METTL2A: variants seen among roughly 807,000 people sequenced by gnomAD.
METTL2A encodes the protein methyltransferase 2A, tRNA N3-cytidine.
In METTL2A, 45 loss-of-function variants were observed where a neutral mutation model predicts 49.4. The ratio of observed to expected loss-of-function variants is 0.91; its 90% CI spans 0.72 to 1.17. METTL2A has a LOEUF of 1.17. Ranked by LOEUF, METTL2A falls within the 50% of genes most tolerant of loss-of-function variation. METTL2A has a pLI of 0.00. For synonymous variants in METTL2A, 118 were observed against 167.5 expected, an observed-to-expected ratio of 0.70 and a Z score of 2.28; for missense variants, 361 against 462.2, an observed-to-expected ratio of 0.78 and a Z score of 2.01.
At chr17:62,446,771 C>T (rs1364172815) in intron 7 of METTL2A, among the ~76,000 whole-genome samples, 3 of 152,162 alleles carry the variant, frequency 2.0e-5, no homozygotes, top group African/African-American at 4.8e-5. Context: ...AGGTGGACCC[C>T]GTACCACTGA....
Position 62,444,886 on chromosome 17 carries a change from A to G in METTL2A, c.859A>G (p.Met287Val), listed in dbSNP as rs762006772. ...RLSRLLKPGGMMLLRDYGRYD... is the reference protein window; with the variant it reads ...RLSRLLKPGGVMLLRDYGRYD... ...GAGCAGGCTTCTGAAACCTGGCGGG[A>G]TGATGCTTCTGCGAGATTACGGCCG... Residue 287 changes from methionine to valine, a missense_variant, in exon 7 of 9, where the codon ATG becomes GTG. Physicochemically the swap from Met to Val is conservative, Grantham distance 21. This residue lies in a region of METTL2A where 183 missense variants were observed against 216.5 expected (regional missense o/e 0.85). Coordinates refer to ENST00000311506, the MANE Select transcript of METTL2A (RefSeq NM_181725.4). The G allele has an allele frequency of 1.2e-6, 2 of 1,614,004 alleles. No homozygotes were observed. Among genetic ancestry groups the G allele is most frequent in the Non-Finnish European group, 1.7e-6 (2 of 1,179,952 alleles).
chr17:62,437,294 C>G (rs2070707481), intron 5 of METTL2A, among the ~76,000 whole-genome samples: 1 of 151,926 alleles, frequency 6.6e-6, no homozygotes, highest in African/African-American at 2.4e-5. Flanking sequence ...ACAGAAACGT[C>G]TAGACAAACT....
At chr17:62,438,455 A>C (rs2070716037) in intron 5 of METTL2A, among the ~76,000 whole-genome samples, 1 of 147,792 alleles carries the variant, frequency 6.8e-6, no homozygotes, top group South Asian at 2.2e-4. Context: ...GGTGGCATGC[A>C]CCTGTAATCC....
chr17:62,432,811 A>C (rs1020372593), intron 4 of METTL2A, among the ~76,000 whole-genome samples: 2 of 151,834 alleles, frequency 1.3e-5, no homozygotes, highest in Non-Finnish European at 2.9e-5. Context: ...CAAAAAAAAA[A>C]AAATTGCCAA....
chr17:62,443,415 A>G (rs2070749332), intron 6 of METTL2A, among the ~76,000 whole-genome samples: 1 of 152,122 alleles, frequency 6.6e-6, no homozygotes, highest in Non-Finnish European at 1.5e-5. Context: ...CAATGCTACA[A>G]ACTTTTTAAA....
intron 6 of METTL2A, 51 bp downstream of exon 6, chr17:62,440,807 A>G (rs1330431317): frequency 6.3e-7 from 1 of 1,586,950 alleles, no homozygotes; most frequent in Non-Finnish European, 8.5e-7. Flanking sequence ...AGCTTTGGTG[A>G]GGGACCTTTT....
intron 5 of METTL2A, among the ~76,000 whole-genome samples, chr17:62,435,637 T>C (rs1298735879): frequency 6.6e-6 from 1 of 152,192 alleles, no homozygotes; most frequent in Non-Finnish European, 1.5e-5. Flanking sequence ...TATGTTATAG[T>C]GTGTGATGTT....
chr17:62,447,901 C>T, intron 8 of METTL2A, 135 bp downstream of exon 8: 3 of 1,541,346 alleles, frequency 1.9e-6, no homozygotes, highest in African/African-American at 2.7e-5. Context: ...CCCTGCTGCT[C>T]ACACCCTCTT....
chr17:62,443,328 C>T (rs9905772), intron 6 of METTL2A, among the ~76,000 whole-genome samples: 5,142 of 152,244 alleles, frequency 0.034, 304 homozygotes, highest in African/African-American at 0.12. Flanking sequence ...AAGTGAGCTA[C>T]GATCACACCA....
intron 7 of METTL2A, among the ~76,000 whole-genome samples, chr17:62,446,319 T>C (rs2070768320): frequency 8.0e-6 from 1 of 124,922 alleles, no homozygotes; most frequent in Non-Finnish European, 1.5e-5. Context: ...GTTACAGCCT[T>C]TTTTTTTTTG....
In METTL2A at chr17:62,449,615, CAGG is replaced by C. The variant is rs1226187702; in HGVS notation, c.*889_*891del. On this transcript the variant is annotated 3_prime_UTR_variant, in exon 9 of 9. Coordinates refer to ENST00000311506, the MANE Select transcript of METTL2A (RefSeq NM_181725.4). Reference sequence around the variant, plus strand: ...AATCCAGCTACTTGGGAGACTGAGGCAGGAGAATTGCTTGAACCCAGGAGGCAG... The same window carrying C: ...AATCCAGCTACTTGGGAGACTGAGGCAGAATTGCTTGAACCCAGGAGGCAG... 82 of 281,440 alleles carry C rather than the reference CAGG, an allele frequency of 2.9e-4. No homozygotes were observed. Among genetic ancestry groups the C allele is most frequent in the South Asian group, 1.3e-3 (46 of 36,066 alleles). 17.4% of individuals were successfully genotyped at this position (281,440 alleles called of 1,614,324 possible).
chr17:62,448,746 A>G lies in METTL2A; in HGVS notation c.*17A>G, dbSNP rs1228171777. 2 of 1,613,536 alleles carry G rather than the reference A, an allele frequency of 1.2e-6. No homozygotes were observed. Among genetic ancestry groups the G allele is most frequent in the South Asian group, 1.1e-5 (1 of 90,990 alleles). ...ACCAGCTGAGAGGCACCTGCTGCCA[A>G]CACGATGCAAGCCCATTGTGTTTCC... is the stretch of plus-strand genomic sequence containing the variant. On this transcript the variant is annotated 3_prime_UTR_variant, in exon 9 of 9. Coordinates refer to ENST00000311506, the MANE Select transcript of METTL2A (RefSeq NM_181725.4).
At chr17:62,446,939 C>T (rs888895739) in intron 7 of METTL2A, among the ~76,000 whole-genome samples, 6 of 152,034 alleles carry the variant, frequency 3.9e-5, no homozygotes, top group African/African-American at 9.7e-5. Context: ...TGTGCCAGGC[C>T]GGTAAACTGA....
At chr17:62,437,133 CTTT>C (rs747770697) in intron 5 of METTL2A, among the ~76,000 whole-genome samples, 43 of 125,520 alleles carry the variant, frequency 3.4e-4, no homozygotes, top group African/African-American at 1.2e-3. Flanking sequence ...TCAGGCTTCA[CTTT>C]TTTTTTTTTT....
intron 7 of METTL2A, among the ~76,000 whole-genome samples, chr17:62,445,162 G>A (rs2070760924): frequency 6.6e-6 from 1 of 152,018 alleles, no homozygotes; most frequent in Non-Finnish European, 1.5e-5. Flanking sequence ...GGGGCTGGGA[G>A]AGGGATAGCA....
chr17:62,445,292 A>AT (rs2070761595), intron 7 of METTL2A, among the ~76,000 whole-genome samples: 1 of 151,780 alleles, frequency 6.6e-6, no homozygotes, highest in African/African-American at 2.4e-5. Context: ...TTAAAGTATA[A>AT]TTAAAAAAAA....
chr17:62,429,384 G>A (rs1213907182), intron 4 of METTL2A, among the ~76,000 whole-genome samples: 3 of 151,996 alleles, frequency 2.0e-5, no homozygotes, highest in African/African-American at 4.8e-5. Context: ...TCCGCCTTCC[G>A]GGTTCAAGTG....
chr17:62,426,048 A>G (rs2070623526), intron 2 of METTL2A, among the ~76,000 whole-genome samples: 1 of 151,770 alleles, frequency 6.6e-6, no homozygotes, highest in African/African-American at 2.4e-5. Context: ...CACTTGATAG[A>G]TAGTAAGTTC....
chr17:62,424,762 T>G (rs532342509), intron 2 of METTL2A, among the ~76,000 whole-genome samples: 1 of 151,884 alleles, frequency 6.6e-6, no homozygotes, highest in South Asian at 2.1e-4. Context: ...ACTTGTGTGA[T>G]GGTTATGAGA....
Sources: gnomAD v4.1 joint callset for allele counts (sites outside exome capture counted in the v4.1 genomes callset) on GRCh38, gnomAD v4.1.1 for gene constraint, gnomAD v4.1.1 regional missense constraint, MANE v1.5 for transcripts, NCBI Gene and HGNC (gene_info 2026-07-23, HGNC 2026-07-21) for gene names.